MYLK4: variants seen among roughly 807,000 people sequenced by gnomAD.
MYLK4 encodes caMLCK like.
Under a neutral mutation model 48.1 loss-of-function variants are expected in MYLK4, and 46 were observed. That is an observed-to-expected ratio of 0.96 (90% CI 0.75 to 1.22). MYLK4 has a LOEUF of 1.22. Among genes scored for constraint, MYLK4 ranks in the 50% most tolerant of loss-of-function variants. The pLI, the probability that MYLK4 is intolerant of heterozygous loss-of-function variation, is 0.00. For missense variants in MYLK4, 451 were observed against 486.1 expected (o/e 0.93, Z 0.68); for synonymous variants, 170 against 180.8 (o/e 0.94, Z 0.48).
intron 2 of MYLK4, among the ~76,000 whole-genome samples, chr6:2,708,308 C>T (rs1193788339): frequency 1.3e-5 from 2 of 152,150 alleles, no homozygotes; most frequent in African/African-American, 4.8e-5. Flanking sequence ...TGCCTTTGAG[C>T]ATTACATTTT....
the MYLK4 span, among the ~76,000 whole-genome samples, chr6:2,763,862 C>A: frequency 6.6e-6 from 1 of 151,772 alleles, no homozygotes; most frequent in Non-Finnish European, 1.5e-5. Flanking sequence ...AAAAAAAGCT[C>A]ACGGTCGGGC....
At chr6:2,744,598 A>C (rs1029871392) in intron 2 of MYLK4, among the ~76,000 whole-genome samples, 6 of 152,352 alleles carry the variant, frequency 3.9e-5, no homozygotes, top group African/African-American at 1.4e-4. Context: ...CACCAACTGC[A>C]ATCAAAATAG....
At chr6:2,686,636 G>T (rs568802070) in intron 4 of MYLK4, among the ~76,000 whole-genome samples, 1 of 152,350 alleles carries the variant, frequency 6.6e-6, no homozygotes, top group East Asian at 1.9e-4. Context: ...ACAAGGCAGA[G>T]GACTTCAGCG....
chr6:2,742,502 A>G (rs1040720273), intron 2 of MYLK4, among the ~76,000 whole-genome samples: 1 of 151,376 alleles, frequency 6.6e-6, no homozygotes, highest in Non-Finnish European at 1.5e-5. Flanking sequence ...GATTAAGAAA[A>G]TGTGGCACAT....
chr6:2,727,041 A>G (rs1763303961), intron 2 of MYLK4, among the ~76,000 whole-genome samples: 1 of 152,202 alleles, frequency 6.6e-6, no homozygotes, highest in Admixed American at 6.5e-5. Context: ...GACATTGTGA[A>G]CGTGTCAGAT....
chr6:2,738,046 T>C (rs1452111034), intron 2 of MYLK4, among the ~76,000 whole-genome samples: 1 of 139,042 alleles, frequency 7.2e-6, no homozygotes, highest in African/African-American at 2.6e-5. Context: ...CTAAATAATA[T>C]CCTTGATGTC....
chr6:2,719,695 TA>T lies in MYLK4; in HGVS notation c.160-26837del, dbSNP rs988237121. Reference sequence around the variant, plus strand: ...AAGTTCAGGTAGATTACAAGTCCATTAAAAAAAAAGTATGAAATTTATTTAA... The same window carrying T: ...AAGTTCAGGTAGATTACAAGTCCATTAAAAAAAAGTATGAAATTTATTTAA... On this transcript the variant is annotated intron_variant, in intron 2 of 12. Coordinates refer to ENST00000274643, the MANE Select transcript of MYLK4 (RefSeq NM_001012418.5). Among the ~76,000 whole-genome samples, 76 of 151,310 alleles carry T rather than the reference TA, an allele frequency of 5.0e-4. 1 individual carries two copies. The highest frequency in any genetic ancestry group is 1.7e-3 in the African/African-American group (72 of 41,154).
At position 2,672,639 on chromosome 6, in the gene MYLK4, A is replaced by G. The variant is rs1343568901; in HGVS notation, c.1120-1291T>C. On this transcript the variant is annotated intron_variant, in intron 11 of 12. Transcript: ENST00000274643. This position sits in a 1 kb window ranked among gnomAD's most constrained non-coding sequence, Gnocchi z 4.3. Reference sequence around the variant, plus strand: ...TTGTAGAACCAATATTAATCTAAAAATAAGCCTTCTGGAAAACTTTCGTCT... The same window carrying G: ...TTGTAGAACCAATATTAATCTAAAAGTAAGCCTTCTGGAAAACTTTCGTCT... Among the ~76,000 whole-genome samples, 2 of 152,258 alleles carry G rather than the reference A, an allele frequency of 1.3e-5. No individual in the cohort carries two copies. The highest frequency in any genetic ancestry group is 2.9e-5 in the Non-Finnish European group (2 of 68,042).
chr6:2,769,506 T>G, the MYLK4 span, among the ~76,000 whole-genome samples: 3 of 151,952 alleles, frequency 2.0e-5, no homozygotes, highest in Non-Finnish European at 4.4e-5. Flanking sequence ...TTTAAAAAAT[T>G]TTTTTTTGTA....
At chr6:2,757,708 TA>T in the MYLK4 span, among the ~76,000 whole-genome samples, 1 of 152,114 alleles carries the variant, frequency 6.6e-6, no homozygotes, top group East Asian at 1.9e-4. Context: ...GAATTTTAAC[TA>T]AAGAAAGATG....
chr6:2,699,109 A>G (rs2113205481), intron 2 of MYLK4, among the ~76,000 whole-genome samples: 1 of 152,198 alleles, frequency 6.6e-6, no homozygotes, highest in South Asian at 2.1e-4. Flanking sequence ...AGCCAAGTAA[A>G]TGGGACCCTC....
Position 2,709,919 on chromosome 6 carries a change from G to T in MYLK4, c.160-17060C>A, listed in dbSNP as rs572769035. 1.8e-4 allele frequency among the ~76,000 whole-genome samples: 27 copies of T among 152,166 alleles called. 1 individual carries two copies. The highest frequency in any genetic ancestry group is 5.8e-4 in the African/African-American group (24 of 41,502). On this transcript the variant is annotated intron_variant, in intron 2 of 12. Transcript: ENST00000274643. The stretch of plus-strand genomic sequence containing the variant: ...GTCCCCAAGAAACTAACAGTCAGGA[G>T]CTGAAATAAAATAAAATCTTCCATA...
At chr6:2,765,783 C>A in the MYLK4 span, 1 of 1,434,120 alleles carries the variant, frequency 7.0e-7, no homozygotes. Context: ...GCGGCCGGGT[C>A]GCACCGCGCC....
At chr6:2,757,338 A>G in the MYLK4 span, among the ~76,000 whole-genome samples, 44 of 152,306 alleles carry the variant, frequency 2.9e-4, no homozygotes, top group African/African-American at 1.1e-3. Flanking sequence ...TATGGAAAAC[A>G]TCTTCAGTGT....
chr6:2,767,923 A>G, the MYLK4 span, among the ~76,000 whole-genome samples: 1 of 152,356 alleles, frequency 6.6e-6, no homozygotes, highest in Middle Eastern at 3.4e-3. Flanking sequence ...TGGGTGCTCT[A>G]CAACTTTTAG....
At chr6:2,766,020 G>A in the MYLK4 span, 1 of 1,325,752 alleles carries the variant, frequency 7.5e-7, no homozygotes, top group Non-Finnish European at 9.6e-7. Flanking sequence ...CGCTCCAGCA[G>A]CCCCGGGAGG....
intron 1 of MYLK4, among the ~76,000 whole-genome samples, chr6:2,750,092 A>C (rs1457408732): frequency 6.6e-6 from 1 of 152,202 alleles, no homozygotes; most frequent in African/African-American, 2.4e-5. Context: ...CTATATGTAC[A>C]CATCACTTGA....
chr6:2,679,863 AG>A (rs1418713294), intron 8 of MYLK4, among the ~76,000 whole-genome samples: 2 of 152,244 alleles, frequency 1.3e-5, no homozygotes, highest in Non-Finnish European at 2.9e-5. Context: ...TTTATGTGCC[AG>A]AACCCTTTGC....
the MYLK4 span, chr6:2,766,400 G>GA: frequency 6.2e-7 from 1 of 1,606,236 alleles, no homozygotes. Context: ...GGAGACCAAC[G>GA]AAATCCCCTC....
Sources: gnomAD v4.1 joint callset for allele counts (sites outside exome capture counted in the v4.1 genomes callset) on GRCh38, gnomAD v4.1.1 for gene constraint, Gnocchi (gnomAD v3.1) non-coding constraint, MANE v1.5 for transcripts, NCBI Gene and HGNC (gene_info 2026-07-23, HGNC 2026-07-21) for gene names.